The following CDC42BPA variants were observed in gnomAD, a reference collection of about 807,000 sequenced individuals.
CDC42BPA encodes the protein CDC42 binding protein kinase alpha.
A neutral mutation model predicts 223.5 loss-of-function variants in CDC42BPA; 80 were observed. That is an observed-to-expected ratio of 0.36 (90% CI 0.30 to 0.43). The LOEUF (loss-of-function observed/expected upper bound fraction) is 0.43. CDC42BPA is among the 20% of genes least tolerant of loss of function. The pLI, the probability that CDC42BPA is intolerant of heterozygous loss-of-function variation, is 1.00. For synonymous variants in CDC42BPA, 694 were observed against 718.6 expected (o/e 0.97, Z 0.55); for missense variants, 1,743 against 2,099.9 (o/e 0.83, Z 3.32).
At chr1:227,233,492 T>C (rs1678417005) in intron 2 of CDC42BPA, among the ~76,000 whole-genome samples, 1 of 152,232 alleles carries the variant, frequency 6.6e-6, no homozygotes, top group African/African-American at 2.4e-5. Context: ...AAATCCTTTA[T>C]CAAGTTAAGG....
At position 227,048,007 on chromosome 1, in the gene CDC42BPA, C is replaced by G. The variant is rs752724651; in HGVS notation, c.3013G>C (p.Val1005Leu). Residue 1005 changes from valine to leucine, a missense_variant, in exon 23 of 37, where the codon GTA becomes CTA. Val to Leu is a conservative substitution (Grantham distance 32). Around this residue, in one of 6 missense-constraint regions of CDC42BPA, gnomAD observed 678 missense variants for 777.5 expected, o/e 0.87. Coordinates refer to ENST00000366766, the MANE Select transcript of CDC42BPA (RefSeq NM_001394014.1). ...TGAACTGAAAGTGGAGTGGAGTCTA[C>G]AGTCTGAACCCAGGAGCAAAAAAGG... ...TSSEAEPVKT[V>L]DSTPLSVHTP... 3 of 1,596,978 alleles carry G rather than the reference C, an allele frequency of 1.9e-6. No homozygotes were observed. In the African/African-American group the frequency reaches 4.0e-5, roughly 21 times the overall value.
At chr1:227,260,280 T>C (rs1683813826) in intron 1 of CDC42BPA, among the ~76,000 whole-genome samples, 1 of 151,124 alleles carries the variant, frequency 6.6e-6, no homozygotes, top group African/African-American at 2.5e-5. Context: ...ACAAAGTATG[T>C]TTCTATGTGA....
At chr1:227,261,335 T>C (rs916623700) in intron 1 of CDC42BPA, among the ~76,000 whole-genome samples, 3 of 150,574 alleles carry the variant, frequency 2.0e-5, no homozygotes, top group Non-Finnish European at 4.4e-5. Flanking sequence ...AGGCTGGTCT[T>C]GAACTCCTGA....
chr1:227,297,856 AGTG>A (rs1179025945), intron 1 of CDC42BPA, among the ~76,000 whole-genome samples: 1 of 151,394 alleles, frequency 6.6e-6, no homozygotes, highest in Non-Finnish European at 1.5e-5. Context: ...TTTTTGAAAT[AGTG>A]GTGATGTTAT....
At chr1:227,129,714 T>TATATATATACAC (rs140091366) in intron 10 of CDC42BPA, among the ~76,000 whole-genome samples, 10 of 105,806 alleles carry the variant, frequency 9.5e-5, no homozygotes, top group African/African-American at 3.4e-4. Context: ...TATATATATA[T>TATATATATACAC]ACAAAAGAAT....
chr1:227,084,724 G>A (rs1681466704), intron 16 of CDC42BPA, among the ~76,000 whole-genome samples: 2 of 151,936 alleles, frequency 1.3e-5, no homozygotes, highest in Non-Finnish European at 2.9e-5. Flanking sequence ...GTTGCTCCTA[G>A]AGGATCTATT....
chr1:227,030,843 G>A lies in CDC42BPA; in HGVS notation c.3776-373C>T, dbSNP rs553218450. Among the ~76,000 whole-genome samples, 6 of 152,230 alleles carry A rather than the reference G, an allele frequency of 3.9e-5. No individual in the cohort carries two copies. In the East Asian group the frequency reaches 1.2e-3, roughly 29 times the overall value. ...AACAAAAGAGTTAGATGCATACACA[G>A]GAATACAGCAAAAATTTAAACCTCC... On this transcript the variant is annotated intron_variant, in intron 28 of 36. Coordinates refer to ENST00000366766, the MANE Select transcript of CDC42BPA (RefSeq NM_001394014.1).
chr1:227,066,984 CAT>C (rs1312218307), intron 21 of CDC42BPA, among the ~76,000 whole-genome samples: 3 of 152,122 alleles, frequency 2.0e-5, no homozygotes, highest in Non-Finnish European at 4.4e-5. Flanking sequence ...TTAGAAAGCA[CAT>C]GAGTGGGAAA....
intron 8 of CDC42BPA, 51 bp downstream of exon 8, chr1:227,145,438 C>A: frequency 1.3e-6 from 2 of 1,523,184 alleles, no homozygotes; most frequent in Non-Finnish European, 1.8e-6. Context: ...ACTATATAAC[C>A]ATAGTAGAAA....
chr1:227,092,064 A>ATAGTT (rs1236167203), intron 15 of CDC42BPA, 73 bp from the exon 16 acceptor site: 2 of 793,000 alleles, frequency 2.5e-6, no homozygotes, highest in Middle Eastern at 2.7e-4. Context: ...TATTTTTCCA[A>ATAGTT]TAGTTACATA....
chr1:227,057,593 A>C (rs937350976), intron 21 of CDC42BPA, among the ~76,000 whole-genome samples: 1 of 152,174 alleles, frequency 6.6e-6, no homozygotes, highest in Admixed American at 6.5e-5. Flanking sequence ...GCATCTTCAC[A>C]GGCACTATTA....
At chr1:227,078,921 G>A (rs1680052373) in intron 17 of CDC42BPA, among the ~76,000 whole-genome samples, 2 of 152,108 alleles carry the variant, frequency 1.3e-5, no homozygotes, top group Admixed American at 1.3e-4. Flanking sequence ...GATTAGGGAT[G>A]CTGAACTGTT....
chr1:227,058,403 T>TCTA (rs1675037313), intron 21 of CDC42BPA, among the ~76,000 whole-genome samples: 1 of 152,158 alleles, frequency 6.6e-6, no homozygotes. Context: ...AATTCCCTCA[T>TCTA]CTAGAACTTT....
intron 3 of CDC42BPA, among the ~76,000 whole-genome samples, chr1:227,201,680 T>TAC (rs869065367): frequency 9.2e-5 from 6 of 65,444 alleles, no homozygotes; most frequent in Admixed American, 2.9e-4. Context: ...TGCACACACA[T>TAC]ACACACACAC....
intron 23 of CDC42BPA, among the ~76,000 whole-genome samples, chr1:227,043,748 T>C (rs933565234): frequency 1.3e-5 from 2 of 152,202 alleles, no homozygotes; most frequent in African/African-American, 4.8e-5. Context: ...TTCTGTTATA[T>C]ATCAATTACA....
At chr1:227,177,806 T>C (rs961488667) in intron 5 of CDC42BPA, among the ~76,000 whole-genome samples, 1 of 152,244 alleles carries the variant, frequency 6.6e-6, no homozygotes, top group Admixed American at 6.5e-5. Context: ...CACCTTTTCA[T>C]TCCTGAGAAT....
chr1:227,222,018 C>A (rs1471566655), intron 2 of CDC42BPA, among the ~76,000 whole-genome samples: 1 of 132,356 alleles, frequency 7.6e-6, no homozygotes. Flanking sequence ...AGTTTGAGAC[C>A]AGCCAGAGCA....
At chr1:227,289,034 A>G in intron 1 of CDC42BPA, among the ~76,000 whole-genome samples, 1 of 152,192 alleles carries the variant, frequency 6.6e-6, no homozygotes, top group South Asian at 2.1e-4. Flanking sequence ...AAAAAAATTA[A>G]ATAAAATGAT....
intron 6 of CDC42BPA, among the ~76,000 whole-genome samples, chr1:227,158,779 C>T (rs7418070): frequency 0.68 from 103,779 of 151,898 alleles, 35,643 homozygotes; most frequent in South Asian, 0.73. Context: ...ATGCTATCAT[C>T]TGCTATTGTC....
Sources: allele counts gnomAD v4.1 joint callset (sites outside exome capture counted in the v4.1 genomes callset), GRCh38; gene constraint gnomAD v4.1.1; regional missense constraint gnomAD v4.1.1; transcripts MANE v1.5; gene names NCBI Gene and HGNC (gene_info 2026-07-23, HGNC 2026-07-21).